PBX1: variants seen among roughly 807,000 people sequenced by gnomAD.
PBX1 encodes the protein PBX homeobox 1.
In PBX1, 6 loss-of-function variants were observed where a neutral mutation model predicts 53.4. The observed-to-expected ratio is 0.11, with a 90% confidence interval of 0.06 to 0.22. The LOEUF is 0.22. Among genes scored for constraint, PBX1 ranks in the 10% least tolerant of loss-of-function variants. The probability of loss-of-function intolerance (pLI) is 1.00; values close to 1 mark genes in which losing one functional copy is unlikely to be tolerated. For synonymous variants in PBX1, 204 were observed against 212.3 expected (o/e 0.96, Z 0.34); for missense variants, 251 against 551.4 (o/e 0.46, Z 5.46).
chr1:164,630,662 C>T (rs1253046227), intron 2 of PBX1, among the ~76,000 whole-genome samples: 1 of 152,058 alleles, frequency 6.6e-6, no homozygotes, highest in African/African-American at 2.4e-5. Context: ...GGAAAATGAG[C>T]CCTAGAGAGA....
chr1:164,860,156 T>G (rs1177586833), intron 2 of PBX1, among the ~76,000 whole-genome samples: 2 of 152,156 alleles, frequency 1.3e-5, no homozygotes, highest in Non-Finnish European at 2.9e-5. Context: ...CCAGAAGCAG[T>G]GGTGATGTTG....
chr1:164,641,286 G>C (rs1356106180), intron 2 of PBX1: 1 of 152,792 alleles, frequency 6.5e-6, no homozygotes, highest in Non-Finnish European at 1.5e-5. Flanking sequence ...AAATGGGAGT[G>C]GGGTCCATTC....
intron 6 of PBX1, chr1:164,816,080 A>C (rs1259080586): frequency 6.6e-6 from 1 of 152,160 alleles, no homozygotes; most frequent in Non-Finnish European, 1.5e-5. Flanking sequence ...TATCCCACTG[A>C]TGTTTTATCT....
chr1:164,879,839 C>T (rs16835775), intron 2 of PBX1, among the ~76,000 whole-genome samples: 3,483 of 152,092 alleles, frequency 0.023, 137 homozygotes, highest in African/African-American at 0.08. Context: ...AATTCTAATC[C>T]GTATTCCATT....
chr1:164,867,238 T>C (rs539338051), intron 2 of PBX1, among the ~76,000 whole-genome samples: 23 of 152,280 alleles, frequency 1.5e-4, no homozygotes, highest in African/African-American at 5.5e-4. Context: ...ATCTCTGGGT[T>C]GCCAAGATTC....
At chr1:164,703,673 A>G (rs1444574381) in intron 2 of PBX1, among the ~76,000 whole-genome samples, 2 of 152,208 alleles carry the variant, frequency 1.3e-5, no homozygotes, top group Non-Finnish European at 1.5e-5. Flanking sequence ...CTGGCTGTTA[A>G]TCAGAATATG....
intron 2 of PBX1, among the ~76,000 whole-genome samples, chr1:164,624,755 A>G (rs1252286305): frequency 6.6e-6 from 1 of 152,140 alleles, no homozygotes; most frequent in East Asian, 1.9e-4. Flanking sequence ...TCATTCCTCC[A>G]TCTGTAGAAG....
chr1:164,881,810 A>C (rs909114570), intron 2 of PBX1, among the ~76,000 whole-genome samples: 1 of 152,176 alleles, frequency 6.6e-6, no homozygotes, highest in Non-Finnish European at 1.5e-5. Context: ...GACTTACCCT[A>C]GGCCAACTAG....
chr1:164,586,694 GAGAA>G (rs1212819105), intron 2 of PBX1, among the ~76,000 whole-genome samples: 1 of 152,182 alleles, frequency 6.6e-6, no homozygotes, highest in East Asian at 1.9e-4. Context: ...ATCAAAGCAA[GAGAA>G]AGAAGTCACA....
chr1:164,835,038 G>A (rs1670965531), intron 8 of PBX1, among the ~76,000 whole-genome samples: 1 of 152,118 alleles, frequency 6.6e-6, no homozygotes, highest in Non-Finnish European at 1.5e-5. Context: ...GTATAAGTGT[G>A]TTTTTTATGT....
chr1:164,711,924 A>T (rs756759513), intron 2 of PBX1, among the ~76,000 whole-genome samples: 5 of 152,098 alleles, frequency 3.3e-5, no homozygotes, highest in Non-Finnish European at 7.4e-5. Flanking sequence ...GGGTGACAGG[A>T]CAGGTTACTG....
At chr1:164,818,475 A>T (rs1483867931) in intron 6 of PBX1, 2 of 152,194 alleles carry the variant, frequency 1.3e-5, no homozygotes, top group Non-Finnish European at 2.9e-5. Context: ...CCTTTGGTTG[A>T]TGCTTGAGTC....
chr1:164,600,376 C>T (rs981043037), intron 2 of PBX1, among the ~76,000 whole-genome samples: 3 of 151,722 alleles, frequency 2.0e-5, no homozygotes, highest in African/African-American at 4.8e-5. Context: ...CTCAGCCTCC[C>T]GAGTAGCTGG....
intron 2 of PBX1, among the ~76,000 whole-genome samples, chr1:164,685,561 T>G (rs1662048701): frequency 6.6e-6 from 1 of 152,190 alleles, no homozygotes; most frequent in South Asian, 2.1e-4. Flanking sequence ...TGAGAGTATT[T>G]GTTTCCCCTG....
At chr1:164,732,153 A>G (rs1457652222) in intron 2 of PBX1, among the ~76,000 whole-genome samples, 1 of 152,190 alleles carries the variant, frequency 6.6e-6, no homozygotes, top group Non-Finnish European at 1.5e-5. Context: ...AGTGAAGCCA[A>G]CATTCTGTGT....
rs114483007 is a variant in PBX1, at chr1:164,872,418, C to A, written n.258-26770C>A. Among the ~76,000 whole-genome samples the A allele has an allele frequency of 5.0e-3, 764 of 152,330 alleles. 5 individuals carry two copies. Among genetic ancestry groups the A allele is most frequent in the African/African-American group, 0.018 (731 of 41,556 alleles). ...ATCACAAGGGATCTAATCCATCATGCACAAATGTTTATAGACACATGTCCT... is the reference window on the plus strand; with the variant it reads ...ATCACAAGGGATCTAATCCATCATGAACAAATGTTTATAGACACATGTCCT... On this transcript the variant is annotated intron_variant and non_coding_transcript_variant, in intron 2 of 2. Coordinates refer to the PBX1 transcript ENST00000558796.
At chr1:164,721,331 A>T (rs927058512) in intron 2 of PBX1, among the ~76,000 whole-genome samples, 39 of 151,754 alleles carry the variant, frequency 2.6e-4, no homozygotes, top group Admixed American at 2.4e-3. Flanking sequence ...ATGGGGTCTT[A>T]AGGCTTTCTA....
At chr1:164,615,664 C>G (rs187923285) in intron 2 of PBX1, among the ~76,000 whole-genome samples, 3 of 152,144 alleles carry the variant, frequency 2.0e-5, no homozygotes, top group Non-Finnish European at 4.4e-5. Context: ...AATCGCTAAA[C>G]GTGGCCAAAG....
intron 6 of PBX1, chr1:164,816,856 T>A (rs140273348): frequency 2.0e-5 from 3 of 152,170 alleles, no homozygotes; most frequent in African/African-American, 7.2e-5. Flanking sequence ...GCTTTTAATT[T>A]TTTTGTTTTT....
Sources: gnomAD v4.1 joint callset for allele counts (sites outside exome capture counted in the v4.1 genomes callset) on GRCh38, gnomAD v4.1.1 for gene constraint, MANE v1.5 for transcripts, NCBI Gene and HGNC (gene_info 2026-07-23, HGNC 2026-07-21) for gene names.